LY96: variants seen among roughly 807,000 people sequenced by gnomAD.
LY96 encodes the protein myeloid differentiation protein-2.
A neutral mutation model predicts 18.9 loss-of-function variants in LY96; 18 were observed. That is an observed-to-expected ratio of 0.95 (90% CI 0.66 to 1.41). LY96 has a LOEUF of 1.41. LY96 is among the 40% of genes most tolerant of loss of function. LY96 has a pLI of 0.00. For synonymous variants in LY96, 66 were observed against 62.6 expected (o/e 1.06, Z -0.26); for missense variants, 175 against 182.4 (o/e 0.96, Z 0.23).
chr8:74,024,971 G>C (rs1239884198), intron 3 of LY96, among the ~76,000 whole-genome samples: 2 of 152,076 alleles, frequency 1.3e-5, no homozygotes, highest in Non-Finnish European at 2.9e-5. Flanking sequence ...GGGATTATAG[G>C]CACATGCACC....
At chr8:74,005,422 C>T (rs899236244) in intron 2 of LY96, among the ~76,000 whole-genome samples, 1 of 152,166 alleles carries the variant, frequency 6.6e-6, no homozygotes, top group African/African-American at 2.4e-5. Flanking sequence ...GCCCATACTA[C>T]TGGGAGAGGA....
chr8:74,018,242 A>T (rs1161986398), intron 3 of LY96, among the ~76,000 whole-genome samples: 8 of 152,042 alleles, frequency 5.3e-5, no homozygotes, highest in Non-Finnish European at 7.4e-5. Context: ...AAAAAATAAA[A>T]AAAATAAATA....
chr8:74,031,629 T>G (rs921483388), downstream of LY96, among the ~76,000 whole-genome samples: 2 of 139,586 alleles, frequency 1.4e-5, no homozygotes, highest in African/African-American at 5.8e-5. Context: ...AGTGAGACTC[T>G]GTCTCAAAAA....
At chr8:74,021,624 A>G (rs533744754) in intron 3 of LY96, among the ~76,000 whole-genome samples, 1 of 152,344 alleles carries the variant, frequency 6.6e-6, no homozygotes, top group East Asian at 1.9e-4. Flanking sequence ...ATGCACACGT[A>G]TGTTTATTGC....
chr8:74,051,823 T>C, the LY96 span, among the ~76,000 whole-genome samples: 2 of 152,286 alleles, frequency 1.3e-5, no homozygotes, highest in African/African-American at 4.8e-5. Flanking sequence ...AGCTCCAGAA[T>C]TGGGAGAAAT....
At chr8:74,027,625 G>C (rs947711786) in intron 4 of LY96, among the ~76,000 whole-genome samples, 1 of 152,172 alleles carries the variant, frequency 6.6e-6, no homozygotes, top group Admixed American at 6.5e-5. Context: ...CAGATGAACT[G>C]GGGAGGAAGA....
the LY96 span, among the ~76,000 whole-genome samples, chr8:74,046,857 G>A: frequency 6.6e-6 from 1 of 151,198 alleles, no homozygotes; most frequent in Non-Finnish European, 1.5e-5. Flanking sequence ...ATGGCTTTTT[G>A]GGGGAGGTGA....
At chr8:74,001,998 TCTTCCTTTCTTCCTTCCTTCCTTC>T (rs1816285256) in intron 1 of LY96, among the ~76,000 whole-genome samples, 5 of 50,590 alleles carry the variant, frequency 9.9e-5, no homozygotes, top group African/African-American at 3.1e-4. Context: ...CTCCCTCCTT[TCTTCCTTTCTTCCTTCCTTCCTTC>T]CTTCCTTCCT....
chr8:74,031,058 C>T (rs1181984760), downstream of LY96, among the ~76,000 whole-genome samples: 2 of 152,160 alleles, frequency 1.3e-5, no homozygotes, highest in East Asian at 3.9e-4. Context: ...CTGGGGCTAC[C>T]CCCGTGTTAT....
At chr8:74,015,740 C>T (rs1264841468) in intron 3 of LY96, among the ~76,000 whole-genome samples, 1 of 152,178 alleles carries the variant, frequency 6.6e-6, no homozygotes, top group African/African-American at 2.4e-5. Context: ...TAGACTGGAC[C>T]ATGAGTGAGC....
At chr8:74,011,931 G>GGTATATTAAAACATGACCAA (rs1816540807) in intron 3 of LY96, among the ~76,000 whole-genome samples, 1 of 124,676 alleles carries the variant, frequency 8.0e-6, no homozygotes, top group African/African-American at 3.8e-5. Context: ...AGAACAGATA[G>GGTATATTAAAACATGACCAA]AAATGGTCAA....
At chr8:74,063,683 A>G in the LY96 span, among the ~76,000 whole-genome samples, 276 of 147,882 alleles carry the variant, frequency 1.9e-3, no homozygotes, top group Middle Eastern at 3.4e-3. Flanking sequence ...TGCACTTTAT[A>G]AATTTTTATG....
chr8:74,054,254 T>G, the LY96 span, among the ~76,000 whole-genome samples: 1 of 152,150 alleles, frequency 6.6e-6, no homozygotes, highest in Non-Finnish European at 1.5e-5. Flanking sequence ...CTCAAACTCC[T>G]GGGCTCAAGC....
chr8:74,041,710 C>T, the LY96 span, among the ~76,000 whole-genome samples: 2 of 152,130 alleles, frequency 1.3e-5, no homozygotes, highest in Non-Finnish European at 2.9e-5. Flanking sequence ...GGGGAAACCC[C>T]CCCCACCACT....
intron 3 of LY96, among the ~76,000 whole-genome samples, chr8:74,018,923 A>C (rs567424318): frequency 2.5e-4 from 38 of 152,314 alleles, no homozygotes; most frequent in Admixed American, 1.4e-3. Flanking sequence ...CATTTAAATC[A>C]GTGTGTAGAG....
chr8:74,050,485 A>G, the LY96 span, among the ~76,000 whole-genome samples: 660 of 152,258 alleles, frequency 4.3e-3, 4 homozygotes, highest in African/African-American at 0.015. Context: ...TGTTTTGCTT[A>G]TCATTATCAT....
rs552307368 is a variant in LY96, at chr8:74,022,178, C to T, written c.332-4611C>T. On this transcript the variant is annotated intron_variant, in intron 3 of 4. Coordinates refer to ENST00000284818, the MANE Select transcript of LY96 (RefSeq NM_015364.5). ...ATCCCAGCACTTTGGGAGGCCGAGG[C>T]GGGCAGATCACTTGAGGTTAGGAGT... is the stretch of plus-strand genomic sequence containing the variant. Among the ~76,000 whole-genome samples the T allele has an allele frequency of 3.3e-5, 5 of 152,118 alleles. No homozygotes were observed. The East Asian group carries it at 5.8e-4, about 18-fold the overall frequency.
the LY96 span, among the ~76,000 whole-genome samples, chr8:74,053,209 C>T: frequency 4.6e-5 from 7 of 152,186 alleles, no homozygotes; most frequent in Non-Finnish European, 7.3e-5. Context: ...TACATGACTT[C>T]GCCATGTGGA....
chr8:74,021,144 T>A (rs1816749903), intron 3 of LY96, among the ~76,000 whole-genome samples: 1 of 152,122 alleles, frequency 6.6e-6, no homozygotes, highest in Non-Finnish European at 1.5e-5. Context: ...ACCTACAGAA[T>A]GGGAGAAAAT....
Sources: gnomAD v4.1 joint callset for allele counts (sites outside exome capture counted in the v4.1 genomes callset) on GRCh38, gnomAD v4.1.1 for gene constraint, MANE v1.5 for transcripts, NCBI Gene and HGNC (gene_info 2026-07-23, HGNC 2026-07-21) for gene names.